Variants in MARCHF3 observed in about 807,000 individuals in gnomAD.
The protein encoded by MARCHF3 is membrane associated ring-CH-type finger 3, also known as E3 ubiquitin-protein ligase MARCHF3.
In MARCHF3, 13 loss-of-function variants were observed where a neutral mutation model predicts 24.2. That is an observed-to-expected ratio of 0.54 (90% CI 0.35 to 0.85). MARCHF3 has a LOEUF of 0.85. Ranked by LOEUF, MARCHF3 falls within the 40% of genes least tolerant of loss-of-function variation. The pLI, the probability that MARCHF3 is intolerant of heterozygous loss-of-function variation, is 0.01. For synonymous variants in MARCHF3, 144 were observed against 137.3 expected, an observed-to-expected ratio of 1.05 and a Z score of -0.34; for missense variants, 276 against 325.0, an observed-to-expected ratio of 0.85 and a Z score of 1.16.
intron 3 of MARCHF3, 117 bp downstream of exon 3, chr5:126,914,811 CAG>C: frequency 1.2e-6 from 1 of 869,230 alleles, no homozygotes; most frequent in Non-Finnish European, 1.8e-6. Context: ...CACACACACA[CAG>C]TCACATAGCT....
intron 1 of MARCHF3, among the ~76,000 whole-genome samples, chr5:126,923,622 T>C (rs1749200154): frequency 6.6e-6 from 1 of 152,170 alleles, no homozygotes; most frequent in African/African-American, 2.4e-5. Flanking sequence ...GATAACAAAC[T>C]ATAGAAATGA....
chr5:126,945,758 A>C (rs909877426), intron 1 of MARCHF3, among the ~76,000 whole-genome samples: 1 of 152,190 alleles, frequency 6.6e-6, no homozygotes, highest in African/African-American at 2.4e-5. Context: ...CAGCTGGGTG[A>C]CAGCAGGTGC....
At chr5:127,006,986 T>G (rs1752330860) in intron 1 of MARCHF3, among the ~76,000 whole-genome samples, 1 of 151,674 alleles carries the variant, frequency 6.6e-6, no homozygotes, top group South Asian at 2.1e-4. Flanking sequence ...GAAAACTACT[T>G]CTTTTTTTTT....
intron 1 of MARCHF3, among the ~76,000 whole-genome samples, chr5:126,956,719 A>AC (rs1431515387): frequency 2.6e-5 from 4 of 151,718 alleles, no homozygotes; most frequent in African/African-American, 4.8e-5. Context: ...AACAAAAAAA[A>AC]ACCCAGAAAG....
intron 3 of MARCHF3, among the ~76,000 whole-genome samples, chr5:126,904,107 T>C (rs1033452111): frequency 1.1e-3 from 159 of 150,836 alleles, no homozygotes; most frequent in Non-Finnish European, 7.1e-4. Flanking sequence ...AATGATGATT[T>C]CCAATTTCAT....
chr5:126,928,920 T>C (rs1406370971), intron 1 of MARCHF3, among the ~76,000 whole-genome samples: 1 of 152,236 alleles, frequency 6.6e-6, no homozygotes, highest in Non-Finnish European at 1.5e-5. Flanking sequence ...ACATTTCTCA[T>C]ATAACCACAC....
chr5:127,010,049 G>A (rs1231905010), intron 1 of MARCHF3, among the ~76,000 whole-genome samples: 2 of 152,270 alleles, frequency 1.3e-5, no homozygotes, highest in Non-Finnish European at 2.9e-5. Context: ...GGTGACTCCT[G>A]GTGACTTTCT....
intron 4 of MARCHF3, among the ~76,000 whole-genome samples, chr5:126,872,441 A>G (rs1200655968): frequency 2.6e-5 from 4 of 152,158 alleles, no homozygotes; most frequent in Admixed American, 2.6e-4. Flanking sequence ...GGCATAAAAC[A>G]TTGATGGACC....
chr5:126,868,225 C>G lies in MARCHF3; in HGVS notation c.*2408G>C, dbSNP rs1398156237. The G allele has an allele frequency of 6.6e-6, 1 of 152,144 alleles. No homozygotes were observed. The highest frequency in any genetic ancestry group is 1.5e-5 in the Non-Finnish European group (1 of 68,038). The allele number at this position is 152,144 out of a possible 1,614,324, so 9.4% of individuals were successfully genotyped here. On this transcript the variant is annotated 3_prime_UTR_variant, in exon 5 of 5. Coordinates refer to ENST00000308660, the MANE Select transcript of MARCHF3 (RefSeq NM_178450.5). Reference sequence around the variant, plus strand: ...GTGTAGCCCTTTCCATGGGGCAAGGCTTGGAGGGGATGAAATATCCTCCAA... The same window carrying G: ...GTGTAGCCCTTTCCATGGGGCAAGGGTTGGAGGGGATGAAATATCCTCCAA...
rs1221255102 is a variant in MARCHF3, at chr5:126,869,055, T to C, written c.*1578A>G. ...GTTTTGCAGCGGAGAGCAGTACAGC[T>C]GTTTCCCTCCCCAGGCAGCGCTGGG... On this transcript the variant is annotated 3_prime_UTR_variant, in exon 5 of 5. Coordinates refer to ENST00000308660, the MANE Select transcript of MARCHF3 (RefSeq NM_178450.5). 1 of 152,216 alleles carries C rather than the reference T, an allele frequency of 6.6e-6. No individual in the cohort carries two copies. The highest frequency in any genetic ancestry group is 1.5e-5 in the Non-Finnish European group (1 of 68,052). 9.4% of individuals were successfully genotyped at this position (152,216 alleles called of 1,614,324 possible).
At chr5:126,893,540 G>C (rs572213395) in intron 3 of MARCHF3, among the ~76,000 whole-genome samples, 1 of 151,860 alleles carries the variant, frequency 6.6e-6, no homozygotes, top group South Asian at 2.1e-4. Flanking sequence ...CCTTCATTTC[G>C]TTATGTATCC....
At chr5:126,900,124 G>A (rs1240437266) in intron 3 of MARCHF3, among the ~76,000 whole-genome samples, 5 of 152,022 alleles carry the variant, frequency 3.3e-5, no homozygotes, top group African/African-American at 9.7e-5. Flanking sequence ...GGAAATAAGG[G>A]CTTTACTCAT....
chr5:126,909,428 GC>G (rs1452702230), intron 3 of MARCHF3, among the ~76,000 whole-genome samples: 1 of 152,174 alleles, frequency 6.6e-6, no homozygotes, highest in Non-Finnish European at 1.5e-5. Flanking sequence ...CCTCGCTGTC[GC>G]CTTGCAGTTT....
At chr5:126,929,772 G>C (rs1749420462) in intron 1 of MARCHF3, among the ~76,000 whole-genome samples, 1 of 152,178 alleles carries the variant, frequency 6.6e-6, no homozygotes, top group Non-Finnish European at 1.5e-5. Flanking sequence ...TATTGTGGGA[G>C]GGACCTGGTG....
chr5:126,911,129 A>G (rs780005177), intron 3 of MARCHF3, among the ~76,000 whole-genome samples: 4 of 152,196 alleles, frequency 2.6e-5, no homozygotes, highest in Non-Finnish European at 1.5e-5. Flanking sequence ...ATAAGATGTT[A>G]TCAATGACAA....
At chr5:126,939,229 T>C (rs1025975931) in intron 1 of MARCHF3, among the ~76,000 whole-genome samples, 3 of 152,342 alleles carry the variant, frequency 2.0e-5, no homozygotes, top group South Asian at 2.1e-4. Flanking sequence ...CCCTTGAGTA[T>C]GCCTTCCCTA....
chr5:126,993,457 A>C (rs1394254397), intron 1 of MARCHF3, among the ~76,000 whole-genome samples: 1 of 151,892 alleles, frequency 6.6e-6, no homozygotes, highest in African/African-American at 2.4e-5. Context: ...AATTTATGGA[A>C]ATATCATCCT....
chr5:126,958,688 T>A lies in MARCHF3; in HGVS notation c.-56-40461A>T, dbSNP rs551262824. Among the ~76,000 whole-genome samples, 10 of 152,302 alleles carry A rather than the reference T, an allele frequency of 6.6e-5. No individual in the cohort carries two copies. In the South Asian group the frequency reaches 8.3e-4, roughly 13 times the overall value. On this transcript the variant is annotated intron_variant, in intron 1 of 4. Transcript: ENST00000308660. Reference sequence around the variant, plus strand: ...TTAATAATCAAATGTGACTTTTTTTTTAAAAATGCCACTTGTTTACTTGAA... The same window carrying A: ...TTAATAATCAAATGTGACTTTTTTTATAAAAATGCCACTTGTTTACTTGAA...
intron 1 of MARCHF3, among the ~76,000 whole-genome samples, chr5:126,982,461 A>G (rs1417703090): frequency 3.3e-5 from 5 of 152,172 alleles, no homozygotes; most frequent in South Asian, 2.1e-4. Flanking sequence ...GGCTGTCCCA[A>G]CACTACTGGA....
Sources: allele counts gnomAD v4.1 joint callset (sites outside exome capture counted in the v4.1 genomes callset), GRCh38; gene constraint gnomAD v4.1.1; transcripts MANE v1.5; gene names NCBI Gene and HGNC (gene_info 2026-07-23, HGNC 2026-07-21).